Variants in S100Z observed in about 807,000 individuals in gnomAD.
S100Z encodes S100 calcium binding protein Z.
In S100Z, 11 loss-of-function variants were observed where a neutral mutation model predicts 8.5. The ratio of observed to expected loss-of-function variants is 1.30; its 90% CI spans 0.82 to 2.15. The LOEUF is 2.15. Among genes scored for constraint, S100Z ranks in the 30% most tolerant of loss-of-function variants. The pLI is 0.00. For missense variants in S100Z, 126 were observed against 117.9 expected (o/e 1.07, Z -0.32); for synonymous variants, 34 against 43.8 (o/e 0.78, Z 0.89).
intron 1 of S100Z, among the ~76,000 whole-genome samples, chr5:76,855,592 G>A: frequency 6.6e-6 from 1 of 152,196 alleles, no homozygotes. Context: ...TTTTGGAACA[G>A]GAGTATTTAC....
chr5:76,858,535 A>AGG (rs1491090890), intron 1 of S100Z, among the ~76,000 whole-genome samples: 4 of 151,048 alleles, frequency 2.6e-5, no homozygotes, highest in African/African-American at 9.8e-5. Flanking sequence ...AAAAAAAAAA[A>AGG]GGGGGTGATG....
In S100Z at chr5:76,877,719, G is replaced by A. The variant is rs373309306; in HGVS notation, c.187G>A (p.Asp63Asn). 2 of 1,612,442 alleles carry A rather than the reference G, an allele frequency of 1.2e-6. No individual in the cohort carries two copies. Among genetic ancestry groups the A allele is most frequent in the Non-Finnish European group, 1.7e-6 (2 of 1,178,502 alleles). Residue 63 changes from aspartate to asparagine, a missense_variant, in exon 4 of 5, where the codon GAT (aspartate) becomes AAT (asparagine). Transcript: ENST00000317593. ...QLVDKIVQDL[D>N]ANKDNEVDFN... ...GGTTGATAAGATAGTGCAGGACCTG[G>A]ATGCCAATAAGGACAACGAAGTGGA...
chr5:76,888,597 C>T (rs1395358352), intron 4 of S100Z, among the ~76,000 whole-genome samples: 5 of 151,760 alleles, frequency 3.3e-5, no homozygotes, highest in East Asian at 2.0e-4. Context: ...AGGATGGTCT[C>T]GACCTCCTGA....
At chr5:76,902,745 C>T (rs896130289) in intron 4 of S100Z, among the ~76,000 whole-genome samples, 7 of 151,954 alleles carry the variant, frequency 4.6e-5, no homozygotes, top group Non-Finnish European at 8.8e-5. Context: ...GTCTGCCCCC[C>T]ACCATTTTAA....
chr5:76,951,387 T>C, the S100Z span, among the ~76,000 whole-genome samples: 2 of 152,202 alleles, frequency 1.3e-5, no homozygotes, highest in South Asian at 2.1e-4. Context: ...TCCTTGGTGA[T>C]GCTAACAAAG....
chr5:76,876,696 A>G lies in S100Z; in HGVS notation c.142-978A>G, dbSNP rs149310889. ...AACTTTGGCTACTGTACTGTTTAAC[A>G]TTTAGCATAAAAACTCAGTAGGTCA... On this transcript the variant is annotated intron_variant, in intron 3 of 4. Coordinates refer to ENST00000317593, the MANE Select transcript of S100Z (RefSeq NM_130772.4). Among the ~76,000 whole-genome samples the G allele has an allele frequency of 1.3e-5, 2 of 152,296 alleles. 1 individual carries two copies. Among genetic ancestry groups the G allele is most frequent in the East Asian group, 3.9e-4 (2 of 5,184 alleles).
chr5:76,882,478 G>A (rs1743436843), intron 4 of S100Z, among the ~76,000 whole-genome samples: 1 of 152,160 alleles, frequency 6.6e-6, no homozygotes, highest in Non-Finnish European at 1.5e-5. Flanking sequence ...AAGGATTTAG[G>A]ATCTGTGGGG....
chr5:76,898,561 C>G (rs1404067290), intron 4 of S100Z, among the ~76,000 whole-genome samples: 4 of 152,116 alleles, frequency 2.6e-5, no homozygotes, highest in Non-Finnish European at 5.9e-5. Context: ...CTGAAATGAT[C>G]ATATGGTTTT....
chr5:76,944,803 C>T, the S100Z span, among the ~76,000 whole-genome samples: 19 of 152,204 alleles, frequency 1.2e-4, no homozygotes, highest in Admixed American at 6.5e-5. Flanking sequence ...CGTGCCCATG[C>T]GTCACCACTA....
At chr5:76,902,326 A>G (rs1382377140) in intron 4 of S100Z, among the ~76,000 whole-genome samples, 1 of 152,116 alleles carries the variant, frequency 6.6e-6, no homozygotes, top group African/African-American at 2.4e-5. Context: ...CTGCCTTTCA[A>G]ATATTCTTGG....
At chr5:76,912,936 CAG>C (rs1201880979) in intron 4 of S100Z, among the ~76,000 whole-genome samples, 2 of 90,130 alleles carry the variant, frequency 2.2e-5, no homozygotes, top group Non-Finnish European at 2.5e-5. Flanking sequence ...GTCAGAGAGA[CAG>C]AGAGAGTCAG....
chr5:76,939,021 G>C, the S100Z span, among the ~76,000 whole-genome samples: 1 of 152,016 alleles, frequency 6.6e-6, no homozygotes, highest in Non-Finnish European at 1.5e-5. Context: ...ATTTCTTTAG[G>C]ATCATATTTT....
chr5:76,911,827 G>A lies in S100Z; in HGVS notation c.*3-8890G>A, dbSNP rs528520277. On this transcript the variant is annotated intron_variant, in intron 4 of 4. Transcript: ENST00000317593. ...GCAAGGAACAAATACAGCCTATACT[G>A]GCTTATCCTCACCCTAAGACATTAA... Among the ~76,000 whole-genome samples the A allele has an allele frequency of 2.0e-5, 3 of 152,272 alleles. No individual in the cohort carries two copies. In the South Asian group the frequency reaches 6.2e-4, roughly 32 times the overall value.
At chr5:76,911,282 CA>C (rs1182193146) in intron 4 of S100Z, among the ~76,000 whole-genome samples, 1 of 152,152 alleles carries the variant, frequency 6.6e-6, no homozygotes, top group Non-Finnish European at 1.5e-5. Context: ...TCTAGGAGTA[CA>C]AAAACCGAAC....
the S100Z span, among the ~76,000 whole-genome samples, chr5:76,930,866 G>A: frequency 3.9e-5 from 6 of 152,276 alleles, no homozygotes; most frequent in South Asian, 1.0e-3. Context: ...GGGAAATTGT[G>A]TAGGAGTCCA....
At chr5:76,923,172 A>T (rs1246462160), downstream of S100Z, among the ~76,000 whole-genome samples, 1 of 152,184 alleles carries the variant, frequency 6.6e-6, no homozygotes, top group African/African-American at 2.4e-5. Flanking sequence ...ATCAGGAACA[A>T]AACAAGGCCC....
intron 4 of S100Z, among the ~76,000 whole-genome samples, chr5:76,915,375 G>A (rs943863778): frequency 3.4e-5 from 5 of 148,278 alleles, no homozygotes; most frequent in East Asian, 4.0e-4. Flanking sequence ...AGGCCGAGGC[G>A]GGCAGACCAC....
intron 1 of S100Z, among the ~76,000 whole-genome samples, chr5:76,867,688 C>T (rs1382220678): frequency 2.0e-5 from 3 of 150,342 alleles, no homozygotes. Flanking sequence ...TTCAAATGAT[C>T]CTCCTGCCTC....
chr5:76,878,929 C>G (rs146593143), intron 4 of S100Z, among the ~76,000 whole-genome samples: 1 of 152,150 alleles, frequency 6.6e-6, no homozygotes, highest in Non-Finnish European at 1.5e-5. Context: ...ACAAAACAAC[C>G]GTTGCTGTTT....
Sources: allele counts gnomAD v4.1 joint callset (sites outside exome capture counted in the v4.1 genomes callset), GRCh38; gene constraint gnomAD v4.1.1; transcripts MANE v1.5; gene names NCBI Gene and HGNC (gene_info 2026-07-23, HGNC 2026-07-21).